The following GPR35 variants were observed in gnomAD, a reference collection of about 807,000 sequenced individuals.
GPR35 encodes G protein-coupled receptor 35.
For missense variants in GPR35, 372 were observed against 422.5 expected, an observed-to-expected ratio of 0.88 and a Z score of 1.05; for synonymous variants, 207 against 198.4, an observed-to-expected ratio of 1.04 and a Z score of -0.36.
chr2:240,630,976 A>G lies in GPR35; in HGVS notation c.*94A>G, dbSNP rs1418375346. The G allele has an allele frequency of 3.0e-6, 3 of 1,004,152 alleles. No homozygotes were observed. Among genetic ancestry groups the G allele is most frequent in the Non-Finnish European group, 4.6e-6 (3 of 658,492 alleles). The allele number at this position is 1,004,152 out of a possible 1,614,324, so 62.2% of individuals were successfully genotyped here. A position where few individuals can be genotyped will look rare whatever the true frequency, so the allele number is the denominator to read the frequency against. ...TGGAACCAGTAGCAAGGAGCCCGAGATCAGCCCTGAACTCACTGTGTATTC... is the reference window on the plus strand; with the variant it reads ...TGGAACCAGTAGCAAGGAGCCCGAGGTCAGCCCTGAACTCACTGTGTATTC... On this transcript the variant is annotated 3_prime_UTR_variant, in exon 2 of 2. Coordinates refer to ENST00000407714, the MANE Select transcript of GPR35 (RefSeq NM_005301.5).
upstream of GPR35, among the ~76,000 whole-genome samples, chr2:240,623,118 C>T (rs2043317049): frequency 1.3e-5 from 2 of 152,224 alleles, no homozygotes; most frequent in Non-Finnish European, 2.9e-5. Context: ...ACTCGCAGCC[C>T]CGCGGCCGGA....
upstream of GPR35, among the ~76,000 whole-genome samples, chr2:240,621,755 C>T (rs1429097538): frequency 1.3e-5 from 2 of 152,224 alleles, no homozygotes; most frequent in Non-Finnish European, 2.9e-5. Flanking sequence ...CATTACAGAG[C>T]AGGGTGTCGT....
At chr2:240,607,781 G>A (rs555612535) in intron 2 of GPR35, among the ~76,000 whole-genome samples, 34 of 151,126 alleles carry the variant, frequency 2.2e-4, no homozygotes, top group Non-Finnish European at 4.4e-4. Context: ...CCGACTCCCC[G>A]CCTTCCTCCT....
At position 240,631,708 on chromosome 2, in the gene GPR35, G is replaced by A. The variant is rs939901394; in HGVS notation, c.*826G>A. Among the ~76,000 whole-genome samples, 2 of 152,194 alleles carry A rather than the reference G, an allele frequency of 1.3e-5. No individual in the cohort carries two copies. Among genetic ancestry groups the A allele is most frequent in the African/African-American group, 2.4e-5 (1 of 41,452 alleles). The stretch of plus-strand genomic sequence containing the variant: ...TGGGTGCCCACTCAGGTAAAGGCAC[G>A]ATGTCCTGCTGGTTTCTGCCTCTCC... On this transcript the variant is annotated 3_prime_UTR_variant, in exon 2 of 2. Coordinates refer to ENST00000407714, the MANE Select transcript of GPR35 (RefSeq NM_005301.5).
Position 240,630,164 on chromosome 2 carries a change from G to A in GPR35, c.212G>A (p.Cys71Tyr). The A allele has an allele frequency of 6.3e-7, 1 of 1,596,036 alleles. No individual in the cohort carries two copies. Among genetic ancestry groups the A allele is most frequent in the Non-Finnish European group, 8.5e-7 (1 of 1,174,504 alleles). Reference protein sequence around the residue: ...NLAVADLCLLCTLPFVLHSLR... With the variant: ...NLAVADLCLLYTLPFVLHSLR... ...GCGGTGGCCGACCTCTGCCTGCTGT[G>A]CACCTTGCCCTTCGTGCTGCACTCC... The change falls in exon 2 of 2, where the codon TGC becomes TAC. Residue 71 changes from cysteine to tyrosine, a missense_variant. Transcript: ENST00000407714.
chr2:240,622,079 T>A (rs1250097747), upstream of GPR35, among the ~76,000 whole-genome samples: 1 of 151,946 alleles, frequency 6.6e-6, no homozygotes, highest in Non-Finnish European at 1.5e-5. Context: ...GGGGTCTTGC[T>A]ATGTTGCCCA....
At chr2:240,627,434 A>T (rs559533699) in intron 1 of GPR35, 15 of 152,250 alleles carry the variant, frequency 9.9e-5, no homozygotes, top group African/African-American at 3.6e-4. Context: ...TTGTTTTATT[A>T]TAAACAGGAA....
At chr2:240,622,819 G>A (rs772808549), upstream of GPR35, among the ~76,000 whole-genome samples, 17 of 152,212 alleles carry the variant, frequency 1.1e-4, no homozygotes, top group East Asian at 5.8e-4. Flanking sequence ...GGGCAGCCTC[G>A]GAGAGGAAGC....
chr2:240,630,325 C>A lies in GPR35; in HGVS notation c.373C>A (p.Arg125Ser), dbSNP rs34778053. 0.026 allele frequency: 40,771 copies of A among 1,592,954 alleles called. 575 individuals carry two copies. Among genetic ancestry groups the A allele is most frequent in the Non-Finnish European group, 0.029 (34,325 of 1,173,586 alleles). The change falls in exon 2 of 2, where the codon CGC becomes AGC. Residue 125 changes from arginine to serine, a missense_variant. Physicochemically the swap from Arg to Ser is moderately radical, Grantham distance 110 (BLOSUM62 -1). Transcript: ENST00000407714. Reference protein sequence around the residue: ...YVAVRHPLRARGLRSPRQAAA... With the variant: ...YVAVRHPLRASGLRSPRQAAA... ...GGCCGTGCGGCACCCGCTGCGTGCCCGCGGGCTGCGGTCCCCCAGGCAGGC... is the reference window on the plus strand; with the variant it reads ...GGCCGTGCGGCACCCGCTGCGTGCCAGCGGGCTGCGGTCCCCCAGGCAGGC...
intron 1 of GPR35, among the ~76,000 whole-genome samples, chr2:240,605,834 G>A (rs2043126884): frequency 6.6e-6 from 1 of 152,198 alleles, no homozygotes; most frequent in African/African-American, 2.4e-5. Context: ...TGAAACTAGT[G>A]GAAGAATCAT....
At chr2:240,619,602 G>A (rs1320780936) in intron 5 of GPR35, among the ~76,000 whole-genome samples, 3 of 152,274 alleles carry the variant, frequency 2.0e-5, no homozygotes, top group African/African-American at 7.2e-5. Flanking sequence ...GCCCCGGGGA[G>A]GACGTGGGGA....
rs759454801 is a variant in GPR35, at chr2:240,630,785, A to G, written c.833A>G (p.Tyr278Cys). The change falls in exon 2 of 2, where the codon TAC becomes TGC. Residue 278 changes from tyrosine to cysteine, a missense_variant. Transcript: ENST00000407714. ...TGCCTGGACGCCATCTGCTACTACT[A>G]CATGGCCAAGGAGTTCCAGGAGGCG... ...NCCLDAICYYYMAKEFQEASA... is the reference protein window; with the variant it reads ...NCCLDAICYYCMAKEFQEASA... 10 of 1,613,384 alleles carry G rather than the reference A, an allele frequency of 6.2e-6. No homozygotes were observed. The East Asian group carries it at 6.7e-5, about 11-fold the overall frequency.
intron 2 of GPR35, among the ~76,000 whole-genome samples, chr2:240,608,300 A>G (rs1427712612): frequency 6.6e-6 from 1 of 152,092 alleles, no homozygotes; most frequent in Admixed American, 6.5e-5. Flanking sequence ...GGGACCTCCA[A>G]TACCGTTTTT....
chr2:240,632,347 C>T lies in GPR35; in HGVS notation c.*1465C>T, dbSNP rs898041628. 6.6e-6 allele frequency among the ~76,000 whole-genome samples: 1 copy of T among 151,696 alleles called. No homozygotes were observed. Among genetic ancestry groups the T allele is most frequent in the African/African-American group, 2.4e-5 (1 of 41,270 alleles). On this transcript the variant is annotated 3_prime_UTR_variant, in exon 2 of 2. Coordinates refer to ENST00000407714, the MANE Select transcript of GPR35 (RefSeq NM_005301.5). The stretch of plus-strand genomic sequence containing the variant: ...CAGGAGGATACATGTCCAGGAGTGT[C>T]CCTGTCCAGGAGGCTCCATGCCCAG...
At chr2:240,623,414 A>G (rs62187257), upstream of GPR35, among the ~76,000 whole-genome samples, 5,778 of 25,436 alleles carry the variant, frequency 0.23, 1,194 homozygotes, top group South Asian at 0.35. Flanking sequence ...GCGCAAACAG[A>G]TCGTGAGGGC....
rs534912838 is a variant in GPR35, at chr2:240,611,978, A to G, written c.-576-4410A>G. On this transcript the variant is annotated intron_variant, in intron 2 of 5. Coordinates refer to the GPR35 transcript ENST00000319838. Reference sequence around the variant, plus strand: ...AAGGAGAGGCCAGCGAAGGAGCAAAACAAGGAAGCGTGTGTCATGGAGGCC... The same window carrying G: ...AAGGAGAGGCCAGCGAAGGAGCAAAGCAAGGAAGCGTGTGTCATGGAGGCC... Among the ~76,000 whole-genome samples, 4 of 152,220 alleles carry G rather than the reference A, an allele frequency of 2.6e-5. No individual in the cohort carries two copies. The East Asian group carries it at 7.7e-4, about 29-fold the overall frequency.
intron 2 of GPR35, among the ~76,000 whole-genome samples, chr2:240,609,288 A>G (rs1320429069): frequency 6.6e-6 from 1 of 152,036 alleles, no homozygotes; most frequent in Non-Finnish European, 1.5e-5. Context: ...CTAGATTCTC[A>G]AAGTGGAATC....
In GPR35 at chr2:240,630,832, A is replaced by T. The variant is rs3749172; in HGVS notation, c.880A>T (p.Ser294Cys). ...QEASALAVAP[S>C]AKAHKSQDSL... Reference sequence around the variant, plus strand: ...GGCGTCTGCACTGGCCGTGGCTCCCAGTGCTAAGGCCCACAAAAGCCAGGA... The same window carrying T: ...GGCGTCTGCACTGGCCGTGGCTCCCTGTGCTAAGGCCCACAAAAGCCAGGA... Residue 294 changes from serine (S) to cysteine (C), a missense_variant, in exon 2 of 2, where the codon AGT (serine) becomes TGT (cysteine). Coordinates refer to ENST00000407714, the MANE Select transcript of GPR35 (RefSeq NM_005301.5). The T allele has an allele frequency of 5.6e-5, 90 of 1,612,878 alleles. No individual in the cohort carries two copies. Among genetic ancestry groups the T allele is most frequent in the Non-Finnish European group, 6.9e-5 (81 of 1,179,998 alleles).
At chr2:240,619,114 CT>C (rs2125480498) in intron 5 of GPR35, 1 of 662,430 alleles carries the variant, frequency 1.5e-6, no homozygotes, top group African/African-American at 1.8e-5. Context: ...CCAAATCCAC[CT>C]GCCTGGGGGT....
Sources: gnomAD v4.1 joint callset for allele counts (sites outside exome capture counted in the v4.1 genomes callset) on GRCh38, gnomAD v4.1.1 for gene constraint, MANE v1.5 for transcripts, NCBI Gene and HGNC (gene_info 2026-07-23, HGNC 2026-07-21) for gene names.